BUB1B: variants seen among roughly 807,000 people sequenced by gnomAD.
BUB1B encodes BUB1 mitotic checkpoint serine/threonine kinase B, also known as mitotic checkpoint serine/threonine-protein kinase BUB1 beta.
Under a neutral mutation model 137.7 loss-of-function variants are expected in BUB1B, and 86 were observed. That is an observed-to-expected ratio of 0.62 (90% CI 0.52 to 0.75). The LOEUF (loss-of-function observed/expected upper bound fraction) is 0.75, where lower values mean the gene tolerates loss of function less well. BUB1B is among the 30% of genes least tolerant of loss of function. The probability of loss-of-function intolerance (pLI) is 0.00; values close to 1 mark genes in which losing one functional copy is unlikely to be tolerated. For missense variants in BUB1B, 1,130 were observed against 1,236.9 expected, an observed-to-expected ratio of 0.91 and a Z score of 1.30; for synonymous variants, 420 against 417.9, an observed-to-expected ratio of 1.00 and a Z score of -0.06.
chr15:40,182,703 C>G (rs1877422098), intron 5 of BUB1B, among the ~76,000 whole-genome samples: 1 of 152,214 alleles, frequency 6.6e-6, no homozygotes, highest in African/African-American at 2.4e-5. Flanking sequence ...TCCTCTTGTT[C>G]AGCTCATTCC....
At chr15:40,218,662 A>G in intron 22 of BUB1B, 100 bp downstream of exon 22, 6 of 868,968 alleles carry the variant, frequency 6.9e-6, no homozygotes, top group Non-Finnish European at 1.1e-5. Flanking sequence ...TTTAATCCAA[A>G]TGCCATGGTT....
intron 8 of BUB1B, among the ~76,000 whole-genome samples, chr15:40,194,054 T>A (rs7183293): frequency 0.15 from 22,370 of 152,150 alleles, 1,812 homozygotes; most frequent in African/African-American, 0.18. Flanking sequence ...TTATTTTAAA[T>A]TTATTGTGAA....
chr15:40,216,571 ATTTT>A (rs71426368), intron 20 of BUB1B, among the ~76,000 whole-genome samples: 5,276 of 82,900 alleles, frequency 0.064, 140 homozygotes, highest in Middle Eastern at 0.084. Flanking sequence ...ATATATATAT[ATTTT>A]TTTTTTTTTT....
chr15:40,213,321 T>C lies in BUB1B; in HGVS notation c.2536-11T>C. 1 of 1,613,468 alleles carries C rather than the reference T, an allele frequency of 6.2e-7. No individual in the cohort carries two copies. The highest frequency in any genetic ancestry group is 8.5e-7 in the Non-Finnish European group (1 of 1,179,798). ...TGAGAAATAGTGAGTTTTCTGTCCT[T>C]CAATTTCCAGGATCTTCTCCAACAC... On this transcript the variant is annotated splice_polypyrimidine_tract_variant and intron_variant, in intron 19 of 22. Transcript: ENST00000287598.
chr15:40,174,011 G>T (rs971293852), intron 4 of BUB1B: 2 of 405,120 alleles, frequency 4.9e-6, no homozygotes, highest in Non-Finnish European at 9.5e-6. Flanking sequence ...CAATTTAAGG[G>T]TTACCAAAAA....
rs1044554355 is a variant in BUB1B at position 40,196,605 on chromosome 15, G to A, written c.1119G>A (p.Lys373=). 1 of 1,613,912 alleles carries A rather than the reference G, an allele frequency of 6.2e-7. No individual in the cohort carries two copies. Among genetic ancestry groups the A allele is most frequent in the African/African-American group, 1.3e-5 (1 of 74,910 alleles). The change falls in exon 9 of 23, where the codon AAG becomes AAA. Residue 373 remains lysine (K), a synonymous_variant. Coordinates refer to ENST00000287598, the MANE Select transcript of BUB1B (RefSeq NM_001211.6). ...TCCTAAGCACCAGAAAGCCTGGAAAGGAAGAAGGAGATCCTCTACAAAGGG... is the reference window on the plus strand; with the variant it reads ...TCCTAAGCACCAGAAAGCCTGGAAAAGAAGAAGGAGATCCTCTACAAAGGG... The part of the protein sequence containing the change: ...NHILSTRKPG[K]EEGDPLQRVQ...
chr15:40,213,555 G>A, intron 20 of BUB1B, 81 bp downstream of exon 20: 1 of 1,499,260 alleles, frequency 6.7e-7, no homozygotes, highest in Non-Finnish European at 9.2e-7. Flanking sequence ...TCTTTTTTGA[G>A]GCGAGGGTCT....
At chr15:40,193,760 G>A (rs988478408) in intron 8 of BUB1B, among the ~76,000 whole-genome samples, 2 of 152,124 alleles carry the variant, frequency 1.3e-5, no homozygotes, top group Non-Finnish European at 2.9e-5. Flanking sequence ...TGGGCGTGGT[G>A]GCAGGTGCCT....
intron 8 of BUB1B, among the ~76,000 whole-genome samples, chr15:40,186,125 A>G (rs546073210): frequency 2.6e-5 from 4 of 152,264 alleles, no homozygotes; most frequent in African/African-American, 9.6e-5. Flanking sequence ...GGGTAGTGGT[A>G]ATGAAAGGAG....
Position 40,202,652 on chromosome 15 carries a change from A to T in BUB1B, c.1692A>T (p.Ser564=). Residue 564 remains serine, a synonymous_variant, in exon 14 of 23, where the codon TCA becomes TCT. Coordinates refer to ENST00000287598, the MANE Select transcript of BUB1B (RefSeq NM_001211.6). ...GACCCCTTGCAGTTCTCAAAACCTC[A>T]GAAAGCATCACCTCAAATGAAGATG... The part of the protein sequence containing the change: ...QRRPLAVLKT[S]ESITSNEDVS... 1 of 1,614,164 alleles carries T rather than the reference A, an allele frequency of 6.2e-7. No individual in the cohort carries two copies. The highest frequency in any genetic ancestry group is 2.2e-5 in the East Asian group (1 of 44,880).
At chr15:40,168,203 A>G (rs1450907096) in intron 2 of BUB1B, among the ~76,000 whole-genome samples, 2 of 152,224 alleles carry the variant, frequency 1.3e-5, no homozygotes, top group African/African-American at 4.8e-5. Flanking sequence ...CCCTGTCTCA[A>G]CTAAAAATAC....
chr15:40,195,603 T>C (rs566800824), intron 8 of BUB1B, among the ~76,000 whole-genome samples: 79 of 152,340 alleles, frequency 5.2e-4, no homozygotes, highest in Middle Eastern at 6.8e-3. Context: ...CCCCCAACAG[T>C]GTAAACGTGT....
intron 12 of BUB1B, 37 bp from the exon 13 acceptor site, chr15:40,202,368 T>A: frequency 6.6e-7 from 1 of 1,522,708 alleles, no homozygotes; most frequent in Non-Finnish European, 9.1e-7. Flanking sequence ...GTAAAGCATT[T>A]ACTCCTAGAG....
At chr15:40,183,652 A>G in intron 5 of BUB1B, 62 bp from the exon 6 acceptor site, 1 of 1,534,080 alleles carries the variant, frequency 6.5e-7, no homozygotes. Context: ...AACAAATTGG[A>G]AATTTTGAGT....
At chr15:40,202,272 A>G in intron 12 of BUB1B, 133 bp from the exon 13 acceptor site, 2 of 741,300 alleles carry the variant, frequency 2.7e-6, no homozygotes, top group Non-Finnish European at 4.6e-6. Context: ...TATATGTTTG[A>G]AGCTTTTTGT....
At position 40,209,655 on chromosome 15, in the gene BUB1B, T is replaced by C. The variant is rs758664966; in HGVS notation, c.2164T>C (p.Trp722Arg). 1.8e-5 allele frequency: 29 copies of C among 1,614,052 alleles called. No individual in the cohort carries two copies. In the East Asian group the frequency reaches 6.2e-4, roughly 35 times the overall value. The change falls in exon 17 of 23, where the codon TGG becomes CGG. Residue 722 changes from tryptophan (W) to arginine (R), a missense_variant. By Grantham distance (101) the Trp-to-Arg change is moderately radical. Transcript: ENST00000287598. Reference protein sequence around the residue: ...ETSENPTQSPWCSQYRRQLLK... With the variant: ...ETSENPTQSPRCSQYRRQLLK... ...GGCAGAAAACCCTACTCAGTCACCA[T>C]GGTGTTCACAGTATCGCAGACAGCT... is the stretch of plus-strand genomic sequence containing the variant.
chr15:40,204,488 C>A (rs913736178), intron 14 of BUB1B, among the ~76,000 whole-genome samples: 7 of 149,772 alleles, frequency 4.7e-5, no homozygotes, highest in Non-Finnish European at 8.9e-5. Context: ...TTAATAAGTA[C>A]CTACCAGAAT....
intron 15 of BUB1B, among the ~76,000 whole-genome samples, chr15:40,207,668 A>G (rs1430573852): frequency 6.6e-6 from 1 of 152,136 alleles, no homozygotes; most frequent in Non-Finnish European, 1.5e-5. Flanking sequence ...CCAGAAATGT[A>G]TGCTGGACAT....
intron 1 of BUB1B, among the ~76,000 whole-genome samples, chr15:40,163,954 CTT>C (rs2037066572): frequency 6.6e-6 from 1 of 152,184 alleles, no homozygotes; most frequent in Non-Finnish European, 1.5e-5. Flanking sequence ...ATGTGTCTCT[CTT>C]TTTGTTTTAA....
Sources: allele counts gnomAD v4.1 joint callset (sites outside exome capture counted in the v4.1 genomes callset), GRCh38; gene constraint gnomAD v4.1.1; transcripts MANE v1.5; gene names NCBI Gene and HGNC (gene_info 2026-07-23, HGNC 2026-07-21).